Variants in NEDD9 observed in about 807,000 individuals in gnomAD.
NEDD9 encodes enhancer of filamentation 1.
In NEDD9, 26 loss-of-function variants were observed where a neutral mutation model predicts 76.6. That is an observed-to-expected ratio of 0.34 (90% CI 0.25 to 0.47). The LOEUF is 0.47. Ranked by LOEUF, NEDD9 falls within the 20% of genes least tolerant of loss-of-function variation. NEDD9 has a pLI of 1.00. For missense variants in NEDD9, 937 were observed against 1,058.5 expected, an observed-to-expected ratio of 0.89 and a Z score of 1.59; for synonymous variants, 392 against 414.2, an observed-to-expected ratio of 0.95 and a Z score of 0.65.
At chr6:11,337,735 C>G (rs145916826) in intron 1 of NEDD9, among the ~76,000 whole-genome samples, 4 of 152,164 alleles carry the variant, frequency 2.6e-5, no homozygotes, top group African/African-American at 9.7e-5. Context: ...GCTGTGTGCA[C>G]ATGCCTTTAG....
intron 3 of NEDD9, among the ~76,000 whole-genome samples, chr6:11,193,068 G>T (rs1387253074): frequency 4.0e-5 from 6 of 151,796 alleles, no homozygotes; most frequent in African/African-American, 1.5e-4. Context: ...ACTTTGGAAG[G>T]CCGAGGTGGG....
At chr6:11,217,824 C>T (rs1758999895) in intron 1 of NEDD9, among the ~76,000 whole-genome samples, 1 of 152,144 alleles carries the variant, frequency 6.6e-6, no homozygotes, top group Non-Finnish European at 1.5e-5. Flanking sequence ...GGATCATGAG[C>T]CCTATCTGAG....
intron 2 of NEDD9, chr6:11,200,991 G>A (rs1758434293): frequency 1.2e-6 from 2 of 1,614,234 alleles, no homozygotes; most frequent in Non-Finnish European, 8.5e-7. Context: ...TCACAAGCTG[G>A]TTTGTTTAGA....
At chr6:11,191,397 G>C (rs1378486519) in intron 4 of NEDD9, among the ~76,000 whole-genome samples, 192 bp from the exon 5 acceptor site, 1 of 150,894 alleles carries the variant, frequency 6.6e-6, no homozygotes, top group African/African-American at 2.4e-5. Flanking sequence ...CCAACCCCAC[G>C]TTCTTGGTGC....
At chr6:11,322,897 C>G (rs1440555456) in intron 2 of NEDD9, among the ~76,000 whole-genome samples, 1 of 152,184 alleles carries the variant, frequency 6.6e-6, no homozygotes, top group Admixed American at 6.5e-5. Flanking sequence ...AGACCAGCAG[C>G]CAAAAAACCC....
chr6:11,326,146 CAAAAA>C (rs113503681), intron 2 of NEDD9, among the ~76,000 whole-genome samples: 1 of 89,888 alleles, frequency 1.1e-5, no homozygotes. Flanking sequence ...AACCTCATCT[CAAAAA>C]AAAAAAAAAA....
intron 2 of NEDD9, among the ~76,000 whole-genome samples, chr6:11,311,609 G>A (rs1313926292): frequency 1.3e-5 from 2 of 152,204 alleles, no homozygotes; most frequent in African/African-American, 4.8e-5. Flanking sequence ...AGATACAGGA[G>A]CACTTACCTC....
intron 6 of NEDD9, 57 bp downstream of exon 6, chr6:11,188,161 A>G (rs1452117401): frequency 7.9e-6 from 10 of 1,258,494 alleles, no homozygotes. Context: ...ACCTTTCCTT[A>G]GTGCTAGGTG....
At chr6:11,205,981 C>T (rs557483564) in intron 2 of NEDD9, among the ~76,000 whole-genome samples, 4 of 152,334 alleles carry the variant, frequency 2.6e-5, no homozygotes, top group African/African-American at 9.6e-5. Flanking sequence ...CACTGACACA[C>T]TTTAAACAGG....
intron 2 of NEDD9, among the ~76,000 whole-genome samples, chr6:11,209,319 A>AGTG (rs1758703490): frequency 6.6e-6 from 1 of 152,228 alleles, no homozygotes; most frequent in South Asian, 2.1e-4. Context: ...TGTGCACAAA[A>AGTG]CACAGAGTGA....
Position 11,241,450 on chromosome 6 carries a change from T to C in NEDD9, c.13-27723A>G, listed in dbSNP as rs1375732658. On this transcript the variant is annotated intron_variant, in intron 3 of 3. Coordinates refer to the NEDD9 transcript ENST00000397378. The surrounding 1 kb of genome is among the most constrained non-coding windows in gnomAD (Gnocchi z 4.0). ...CTCTCCACGTCTTGCTATTGTCTAG[T>C]TGGACTAAGCAGAAAAGGCTTATGG... is the stretch of plus-strand genomic sequence containing the variant. Among the ~76,000 whole-genome samples, 3 of 152,134 alleles carry C rather than the reference T, an allele frequency of 2.0e-5. No individual in the cohort carries two copies. The highest frequency in any genetic ancestry group is 4.4e-5 in the Non-Finnish European group (3 of 68,030).
intron 3 of NEDD9, among the ~76,000 whole-genome samples, chr6:11,272,239 C>A (rs1760323882): frequency 6.6e-6 from 1 of 152,202 alleles, no homozygotes; most frequent in South Asian, 2.1e-4. Flanking sequence ...TCTTGTCACT[C>A]CCTCCACCTG....
intron 3 of NEDD9, among the ~76,000 whole-genome samples, chr6:11,299,290 G>A (rs953501872): frequency 1.3e-5 from 2 of 152,316 alleles, no homozygotes; most frequent in East Asian, 1.9e-4. Flanking sequence ...GGGGGGAGGG[G>A]CATCTGCCAT....
chr6:11,360,616 T>C (rs1216844574), intron 1 of NEDD9, among the ~76,000 whole-genome samples: 1 of 152,146 alleles, frequency 6.6e-6, no homozygotes, highest in Non-Finnish European at 1.5e-5. Context: ...GCTCCAGTCA[T>C]GGAAGATGAG....
At chr6:11,185,766 T>C in intron 6 of NEDD9, 95 bp from the exon 7 acceptor site, 1 of 1,443,278 alleles carries the variant, frequency 6.9e-7, no homozygotes, top group Non-Finnish European at 9.4e-7. Flanking sequence ...GGGATTTTAG[T>C]CGCTAGTAAC....
At chr6:11,366,405 G>A (rs1175211328) in intron 1 of NEDD9, among the ~76,000 whole-genome samples, 1 of 147,320 alleles carries the variant, frequency 6.8e-6, no homozygotes, top group East Asian at 2.0e-4. Context: ...AGAAATAAAA[G>A]AAGAAAGAAA....
At position 11,213,542 on chromosome 6, in the gene NEDD9, G is replaced by A; in HGVS notation, c.198C>T (p.Pro66=). The change falls in exon 2 of 7, where the codon CCC becomes CCT. Residue 66 remains proline, a synonymous_variant. Coordinates refer to ENST00000379446, the MANE Select transcript of NEDD9 (RefSeq NM_006403.4). This position sits in a 1 kb window ranked among gnomAD's most constrained non-coding sequence, Gnocchi z 5.4. The part of the protein sequence containing the change: ...PGNRVKLLIG[P]MQETASSHEQ... The stretch of plus-strand genomic sequence containing the variant: ...CGTGACTGGAGGCAGTCTCCTGCAT[G>A]GGACCAATCAGAAGCTTCACCCGGT... The A allele has an allele frequency of 6.2e-7, 1 of 1,614,146 alleles. No homozygotes were observed. The highest frequency in any genetic ancestry group is 1.7e-5 in the Admixed American group (1 of 60,016).
intron 1 of NEDD9, among the ~76,000 whole-genome samples, chr6:11,378,012 G>C (rs1264535940): frequency 6.6e-6 from 1 of 152,210 alleles, no homozygotes; most frequent in Non-Finnish European, 1.5e-5. Context: ...GGAGGCTGAG[G>C]TGGGTGGATC....
intron 1 of NEDD9, among the ~76,000 whole-genome samples, chr6:11,364,979 C>T (rs562605955): frequency 2.0e-4 from 30 of 152,172 alleles, no homozygotes; most frequent in Admixed American, 2.6e-4. Flanking sequence ...GGGGTAAGAG[C>T]GGTGAGGGTC....
Sources: gnomAD v4.1 joint callset for allele counts (sites outside exome capture counted in the v4.1 genomes callset) on GRCh38, gnomAD v4.1.1 for gene constraint, Gnocchi (gnomAD v3.1) non-coding constraint, MANE v1.5 for transcripts, NCBI Gene and HGNC (gene_info 2026-07-23, HGNC 2026-07-21) for gene names.